ASB3: variants seen among roughly 807,000 people sequenced by gnomAD.
ASB3 encodes ankyrin repeat and SOCS box containing 3.
Under a neutral mutation model 54.5 loss-of-function variants are expected in ASB3, and 41 were observed. The observed-to-expected ratio is 0.75, with a 90% CI of 0.59 to 0.98. The LOEUF (loss-of-function observed/expected upper bound fraction) is 0.98, where lower values mean the gene tolerates loss of function less well. Among genes scored for constraint, ASB3 ranks in the 50% least tolerant of loss-of-function variants. The probability of loss-of-function intolerance (pLI) is 0.00; values close to 1 mark genes in which losing one functional copy is unlikely to be tolerated. For missense variants in ASB3, 733 were observed against 620.0 expected (o/e 1.18, Z -1.94); for synonymous variants, 266 against 221.2 (o/e 1.20, Z -1.80).
At chr2:53,748,791 G>C (rs1672364990) in intron 3 of ASB3, among the ~76,000 whole-genome samples, 1 of 152,068 alleles carries the variant, frequency 6.6e-6, no homozygotes, top group South Asian at 2.1e-4. Context: ...AAGTGATCTT[G>C]GATTCATCAC....
intron 9 of ASB3, among the ~76,000 whole-genome samples, chr2:53,691,504 G>A (rs1668909094): frequency 6.6e-6 from 1 of 152,076 alleles, no homozygotes; most frequent in African/African-American, 2.4e-5. Flanking sequence ...TAAGTTATTG[G>A]AGGAAGAGGG....
chr2:53,699,077 T>C (rs1572864203), intron 8 of ASB3, among the ~76,000 whole-genome samples: 1 of 152,188 alleles, frequency 6.6e-6, no homozygotes, highest in East Asian at 1.9e-4. Flanking sequence ...GACTGGGAAG[T>C]CCAAAGTCAA....
intron 9 of ASB3, among the ~76,000 whole-genome samples, chr2:53,677,454 T>C (rs969440589): frequency 1.3e-5 from 2 of 152,056 alleles, no homozygotes; most frequent in Non-Finnish European, 2.9e-5. Context: ...CAAATCTCCT[T>C]CCAACTTAGT....
chr2:53,714,384 T>A lies in ASB3; in HGVS notation c.980A>T (p.Asp327Val), dbSNP rs1291195830. Reference protein sequence around the residue: ...SSPVCMAFQKDCEFFGIVNIL... With the variant: ...SSPVCMAFQKVCEFFGIVNIL... ...ATAAAAACATAGCAAATATACATACTCCTTTTGGAAAGCCATGCACACAGG... is the reference window on the plus strand; with the variant it reads ...ATAAAAACATAGCAAATATACATACACCTTTTGGAAAGCCATGCACACAGG... Residue 327 changes from aspartate to valine, a missense_variant and splice_region_variant, in exon 7 of 10, where the codon GAC becomes GTC. By Grantham distance (152) the Asp-to-Val change is radical. Coordinates refer to ENST00000263634, the MANE Select transcript of ASB3 (RefSeq NM_016115.5). The A allele has an allele frequency of 6.2e-7, 1 of 1,614,006 alleles. No homozygotes were observed. The highest frequency in any genetic ancestry group is 8.5e-7 in the Non-Finnish European group (1 of 1,179,974).
At chr2:53,775,505 C>A (rs1310189828) in intron 1 of ASB3, among the ~76,000 whole-genome samples, 1 of 152,262 alleles carries the variant, frequency 6.6e-6, no homozygotes, top group East Asian at 1.9e-4. Flanking sequence ...GACGGAGTAT[C>A]GCTCTGTTGC....
chr2:53,685,749 T>C (rs1183623144), intron 9 of ASB3, among the ~76,000 whole-genome samples: 1 of 152,246 alleles, frequency 6.6e-6, no homozygotes, highest in African/African-American at 2.4e-5. Flanking sequence ...CCAAAAAACA[T>C]GAACCATGTT....
chr2:53,742,970 G>C lies in ASB3; in HGVS notation c.355+7813C>G, dbSNP rs75676883. The stretch of plus-strand genomic sequence containing the variant: ...ACACTGTGTCAGAGAAAACTGATAA[G>C]GAATGGACAAGCAAAAGTATTGTCA... On this transcript the variant is annotated intron_variant, in intron 3 of 9. Coordinates refer to ENST00000263634, the MANE Select transcript of ASB3 (RefSeq NM_016115.5). Among the ~76,000 whole-genome samples, 747 of 152,138 alleles carry C rather than the reference G, an allele frequency of 4.9e-3. 2 individuals carry two copies. Among genetic ancestry groups the C allele is most frequent in the Admixed American group, 8.2e-3 (125 of 15,286 alleles).
chr2:53,755,507 T>C (rs1172035200), intron 2 of ASB3, among the ~76,000 whole-genome samples: 1 of 151,972 alleles, frequency 6.6e-6, no homozygotes, highest in Non-Finnish European at 1.5e-5. Flanking sequence ...CAGAATTTGA[T>C]GACAAATTTA....
chr2:53,781,576 A>G (rs1674652854), intron 1 of ASB3, among the ~76,000 whole-genome samples: 1 of 152,044 alleles, frequency 6.6e-6, no homozygotes, highest in African/African-American at 2.4e-5. Context: ...GCTCACCACA[A>G]TGTCTGCCTC....
intron 2 of ASB3, among the ~76,000 whole-genome samples, chr2:53,753,826 A>G (rs1165377391): frequency 2.0e-5 from 3 of 151,666 alleles, no homozygotes; most frequent in Admixed American, 2.0e-4. Context: ...TTTTTAGTAG[A>G]GACATGTTTT....
intron 9 of ASB3, among the ~76,000 whole-genome samples, chr2:53,678,548 T>A (rs889877499): frequency 6.6e-6 from 1 of 152,168 alleles, no homozygotes; most frequent in African/African-American, 2.4e-5. Context: ...CACTAAGCAA[T>A]CACATATGAA....
chr2:53,693,457 G>A (rs116465663), intron 9 of ASB3, among the ~76,000 whole-genome samples: 1,978 of 152,098 alleles, frequency 0.013, 42 homozygotes, highest in African/African-American at 0.045. Flanking sequence ...TATAAAGAAT[G>A]GTTACATTTC....
Position 53,772,883 on chromosome 2 carries a change from T to C in ASB3, c.-13-7298A>G, listed in dbSNP as rs368278713. Among the ~76,000 whole-genome samples, 10 of 152,022 alleles carry C rather than the reference T, an allele frequency of 6.6e-5. No individual in the cohort carries two copies. The South Asian group carries it at 1.2e-3, about 19-fold the overall frequency. ...CCTCCTCCCACCCTCCACCCTCCCG[T>C]AGACCCCAGTAGAACCTGTGATTTT... On this transcript the variant is annotated intron_variant, in intron 1 of 9. Transcript: ENST00000263634.
chr2:53,687,765 T>C (rs1668706914), intron 9 of ASB3, among the ~76,000 whole-genome samples: 1 of 152,186 alleles, frequency 6.6e-6, no homozygotes, highest in African/African-American at 2.4e-5. Context: ...GCACCATAGA[T>C]CACTCATATA....
At chr2:53,745,979 C>G (rs1672200561) in intron 3 of ASB3, among the ~76,000 whole-genome samples, 1 of 152,116 alleles carries the variant, frequency 6.6e-6, no homozygotes, top group East Asian at 1.9e-4. Context: ...TAGACTGAAG[C>G]AGGAATCACT....
intron 3 of ASB3, among the ~76,000 whole-genome samples, chr2:53,744,195 T>C (rs112151130): frequency 0.057 from 8,615 of 150,020 alleles, 445 homozygotes; most frequent in East Asian, 0.28. Context: ...GCTAACACGG[T>C]GAAACCTCAT....
At chr2:53,713,585 C>T (rs767315045) in intron 7 of ASB3, among the ~76,000 whole-genome samples, 9 of 152,082 alleles carry the variant, frequency 5.9e-5, no homozygotes, top group Admixed American at 2.0e-4. Context: ...AATTTGGGGG[C>T]GTTTAAAAAC....
intron 9 of ASB3, among the ~76,000 whole-genome samples, chr2:53,672,982 T>C (rs779818329): frequency 2.0e-4 from 30 of 152,164 alleles, no homozygotes; most frequent in Non-Finnish European, 4.4e-5. Context: ...ACTCCAATAA[T>C]ATGCACAACG....
chr2:53,680,959 G>A (rs929396914), intron 9 of ASB3, among the ~76,000 whole-genome samples: 1 of 150,668 alleles, frequency 6.6e-6, no homozygotes, highest in Non-Finnish European at 1.5e-5. Flanking sequence ...TTTTAGCTCC[G>A]TAAAAAAGTG....
Sources: allele counts gnomAD v4.1 joint callset (sites outside exome capture counted in the v4.1 genomes callset), GRCh38; gene constraint gnomAD v4.1.1; transcripts MANE v1.5; gene names NCBI Gene and HGNC (gene_info 2026-07-23, HGNC 2026-07-21).